The following MORF4L1 variants were observed in gnomAD, a reference collection of about 807,000 sequenced individuals.
MORF4L1 encodes the protein mortality factor 4 like 1.
A neutral mutation model predicts 52.9 loss-of-function variants in MORF4L1; 4 were observed. The observed-to-expected ratio is 0.08, with a 90% CI of 0.04 to 0.17. MORF4L1 has a LOEUF of 0.17. Ranked by LOEUF, MORF4L1 falls within the 10% of genes least tolerant of loss-of-function variation. MORF4L1 has a pLI of 1.00. For synonymous variants in MORF4L1, 123 were observed against 134.8 expected (o/e 0.91, Z 0.61); for missense variants, 214 against 390.4 (o/e 0.55, Z 3.81).
chr15:78,876,640 A>G (rs1417637113), intron 1 of MORF4L1: 1 of 455,212 alleles, frequency 2.2e-6, no homozygotes, highest in African/African-American at 2.0e-5. Context: ...AAATTAGGAA[A>G]CACAGATCTG....
chr15:78,896,461 C>T (rs2056891760), intron 11 of MORF4L1, among the ~76,000 whole-genome samples: 1 of 151,960 alleles, frequency 6.6e-6, no homozygotes, highest in African/African-American at 2.4e-5. Flanking sequence ...CAGGCATGCG[C>T]TACCATGTCC....
At chr15:78,874,474 G>C (rs1215057048) in intron 1 of MORF4L1, among the ~76,000 whole-genome samples, 1 of 152,064 alleles carries the variant, frequency 6.6e-6, no homozygotes, top group East Asian at 1.9e-4. Context: ...GGGCTAAAGC[G>C]AGCCTCCCAA....
chr15:78,877,588 C>G (rs943211409), intron 1 of MORF4L1, among the ~76,000 whole-genome samples: 26 of 152,158 alleles, frequency 1.7e-4, no homozygotes, highest in African/African-American at 6.3e-4. Context: ...ACTTCCAGGT[C>G]CTGACATTTT....
chr15:78,877,972 T>A (rs1596239607), intron 1 of MORF4L1: 3 of 403,254 alleles, frequency 7.4e-6, no homozygotes, highest in East Asian at 7.8e-5. Context: ...TGATAGATGA[T>A]TTGATTATTT....
At chr15:78,873,346 GGA>G (rs2056406728) in intron 1 of MORF4L1, 1 of 885,220 alleles carries the variant, frequency 1.1e-6, no homozygotes. Context: ...AAGAGGGCGC[GGA>G]GAGAGCAGCC....
intron 1 of MORF4L1, chr15:78,876,689 C>T (rs561944791): frequency 2.5e-6 from 1 of 398,410 alleles, no homozygotes; most frequent in Non-Finnish European, 5.2e-6. Context: ...GTATAGTTTA[C>T]CCATTTTAGT....
chr15:78,886,778 AC>A (rs2056711611), intron 4 of MORF4L1, among the ~76,000 whole-genome samples: 2 of 152,076 alleles, frequency 1.3e-5, no homozygotes, highest in African/African-American at 4.8e-5. Flanking sequence ...ACACGGTGAA[AC>A]CCCGTCTCTA....
intron 3 of MORF4L1, 42 bp from the exon 4 acceptor site, chr15:78,886,099 C>T: frequency 6.8e-7 from 1 of 1,466,646 alleles, no homozygotes; most frequent in Non-Finnish European, 9.6e-7. Context: ...AGTTGGAGAA[C>T]AGAGTATTTT....
chr15:78,874,022 G>A (rs1174991064), intron 1 of MORF4L1: 1 of 152,190 alleles, frequency 6.6e-6, no homozygotes, highest in East Asian at 1.9e-4. Context: ...TTTATTAATT[G>A]GTTTTCGATT....
intron 6 of MORF4L1, 65 bp downstream of exon 6, chr15:78,891,079 G>T: frequency 7.0e-7 from 1 of 1,426,956 alleles, no homozygotes; most frequent in South Asian, 1.2e-5. Flanking sequence ...TTTTTATTTT[G>T]AAAGCTATGA....
At chr15:78,894,004 CTATGTCAGT>C in intron 9 of MORF4L1, 45 bp from the exon 10 acceptor site, 1 of 1,480,822 alleles carries the variant, frequency 6.8e-7, no homozygotes, top group Non-Finnish European at 9.3e-7. Flanking sequence ...GAATTATTCT[CTATGTCAGT>C]TATTTTTATT....
At chr15:78,889,727 T>C (rs2056766720) in intron 5 of MORF4L1, among the ~76,000 whole-genome samples, 1 of 152,220 alleles carries the variant, frequency 6.6e-6, no homozygotes, top group African/African-American at 2.4e-5. Context: ...TTTTTGTGTT[T>C]ATATCCAAAC....
At position 78,897,987 on chromosome 15, in the gene MORF4L1, G is replaced by A. The variant is rs1209997436; in HGVS notation, c.*920G>A. 1 of 152,090 alleles carries A rather than the reference G, an allele frequency of 6.6e-6. No individual in the cohort carries two copies. The highest frequency in any genetic ancestry group is 1.5e-5 in the Non-Finnish European group (1 of 68,026). 9.4% of individuals were successfully genotyped at this position (152,090 alleles called of 1,614,324 possible). ...TTCCCTAAATTATTACTTACTCTGAGCATTAATTAAGGGCATTTTCACCTG... is the reference window on the plus strand; with the variant it reads ...TTCCCTAAATTATTACTTACTCTGAACATTAATTAAGGGCATTTTCACCTG... On this transcript the variant is annotated 3_prime_UTR_variant, in exon 12 of 12. Coordinates refer to ENST00000426013, the MANE Select transcript of MORF4L1 (RefSeq NM_006791.4).
intron 5 of MORF4L1, among the ~76,000 whole-genome samples, chr15:78,888,978 A>G (rs890442580): frequency 1.3e-5 from 2 of 152,210 alleles, no homozygotes; most frequent in South Asian, 2.1e-4. Flanking sequence ...TTTTCTCTAT[A>G]TAGAAAAGAT....
chr15:78,879,229 C>T lies in MORF4L1; in HGVS notation c.87+970C>T, dbSNP rs55986322. Among the ~76,000 whole-genome samples, 331 of 152,122 alleles carry T rather than the reference C, an allele frequency of 2.2e-3. 1 individual carries two copies. Among genetic ancestry groups the T allele is most frequent in the African/African-American group, 7.6e-3 (316 of 41,492 alleles). Reference sequence around the variant, plus strand: ...CTCTTTATTTTTATGCTCCCCGCCCCGCCCCGCCCCCCAAGACAGTATTGC... The same window carrying T: ...CTCTTTATTTTTATGCTCCCCGCCCTGCCCCGCCCCCCAAGACAGTATTGC... On this transcript the variant is annotated intron_variant, in intron 2 of 11. Coordinates refer to ENST00000426013, the MANE Select transcript of MORF4L1 (RefSeq NM_006791.4).
intron 11 of MORF4L1, among the ~76,000 whole-genome samples, chr15:78,896,053 A>G (rs1015204060): frequency 6.6e-6 from 1 of 151,950 alleles, no homozygotes; most frequent in Non-Finnish European, 1.5e-5. Flanking sequence ...ATCACAGCTC[A>G]CTACAACCTC....
intron 4 of MORF4L1, among the ~76,000 whole-genome samples, chr15:78,886,846 T>G (rs1395898611): frequency 6.6e-6 from 1 of 151,556 alleles, no homozygotes; most frequent in East Asian, 1.9e-4. Flanking sequence ...TCCCAGCTAC[T>G]CCGGAGGCTG....
At chr15:78,894,719 A>G in intron 10 of MORF4L1, 101 bp from the exon 11 acceptor site, 1 of 940,652 alleles carries the variant, frequency 1.1e-6, no homozygotes, top group Non-Finnish European at 1.7e-6. Context: ...AAAATCATGT[A>G]TTTTAAAGGA....
At chr15:78,892,130 GC>G (rs2056811907) in intron 7 of MORF4L1, 81 bp from the exon 8 acceptor site, 3 of 817,912 alleles carry the variant, frequency 3.7e-6, no homozygotes, top group Admixed American at 2.3e-5. Context: ...TATCCCTAGT[GC>G]CTCTAAAAGT....
Sources: allele counts gnomAD v4.1 joint callset (sites outside exome capture counted in the v4.1 genomes callset), GRCh38; gene constraint gnomAD v4.1.1; transcripts MANE v1.5; gene names NCBI Gene and HGNC (gene_info 2026-07-23, HGNC 2026-07-21).